The following DNAH7 variants were observed in gnomAD, a reference collection of about 807,000 sequenced individuals.
The protein encoded by DNAH7 is dynein axonemal heavy chain 7.
A neutral mutation model predicts 444.6 loss-of-function variants in DNAH7; 397 were observed. The observed-to-expected ratio is 0.89, with a 90% confidence interval of 0.82 to 0.97. DNAH7 has a LOEUF of 0.97. Ranked by LOEUF, DNAH7 falls within the 50% of genes least tolerant of loss-of-function variation. The pLI, the probability that DNAH7 is intolerant of heterozygous loss-of-function variation, is 0.00. For synonymous variants in DNAH7, 1,636 were observed against 1,624.4 expected, an observed-to-expected ratio of 1.01 and a Z score of -0.17; for missense variants, 4,902 against 4,800.8, an observed-to-expected ratio of 1.02 and a Z score of -0.62.
At chr2:195,846,373 G>A (rs1340967570) in intron 46 of DNAH7, among the ~76,000 whole-genome samples, 2 of 152,184 alleles carry the variant, frequency 1.3e-5, no homozygotes, top group Non-Finnish European at 2.9e-5. Context: ...TGCTGGCGAG[G>A]TCACAGAGAA....
At chr2:196,068,566 G>T in intron 1 of DNAH7, 131 bp downstream of exon 1, 1 of 1,206,772 alleles carries the variant, frequency 8.3e-7, no homozygotes, top group Non-Finnish European at 1.2e-6. Context: ...GGCCACAAGT[G>T]GGGTGAAGGA....
At chr2:195,954,184 C>A (rs1690470640) in intron 19 of DNAH7, among the ~76,000 whole-genome samples, 1 of 152,160 alleles carries the variant, frequency 6.6e-6, no homozygotes, top group South Asian at 2.1e-4. Flanking sequence ...CCACTCTCCC[C>A]ACCCCACGAC....
At position 195,960,788 on chromosome 2, in the gene DNAH7, T is replaced by C; in HGVS notation, c.2363A>G (p.Tyr788Cys). 2 of 1,614,196 alleles carry C rather than the reference T, an allele frequency of 1.2e-6. No individual in the cohort carries two copies. The highest frequency in any genetic ancestry group is 1.7e-6 in the Non-Finnish European group (2 of 1,180,034). ...SNYRAWTEGP[Y>C]HKVNPDQVEA... Reference sequence around the variant, plus strand: ...TACTTGGTCTGGATTCACTTTATGATATGGCCCTTCTGTCCATGCTCTATA... The same window carrying C: ...TACTTGGTCTGGATTCACTTTATGACATGGCCCTTCTGTCCATGCTCTATA... Residue 788 changes from tyrosine (Y) to cysteine (C), a missense_variant, in exon 18 of 65, where the codon TAT becomes TGT. Tyr to Cys is a radical substitution (Grantham distance 194, BLOSUM62 -2). Transcript: ENST00000312428.
At chr2:196,000,398 G>C (rs944676455) in intron 12 of DNAH7, among the ~76,000 whole-genome samples, 3 of 152,140 alleles carry the variant, frequency 2.0e-5, no homozygotes, top group Non-Finnish European at 4.4e-5. Context: ...CTACAGCATG[G>C]CATGAGTTTA....
intron 60 of DNAH7, 79 bp from the exon 61 acceptor site, chr2:195,771,969 A>G: frequency 2.5e-6 from 3 of 1,207,594 alleles, no homozygotes; most frequent in South Asian, 1.2e-5. Flanking sequence ...CCTAAGGTAA[A>G]TCTTTATAAG....
intron 46 of DNAH7, among the ~76,000 whole-genome samples, chr2:195,850,287 A>G (rs188780381): frequency 6.7e-6 from 1 of 148,778 alleles, no homozygotes; most frequent in African/African-American, 2.4e-5. Context: ...AAGGTCATGA[A>G]AAAAAAAAAA....
chr2:195,969,675 T>C (rs1169667898), intron 17 of DNAH7, among the ~76,000 whole-genome samples: 1 of 152,114 alleles, frequency 6.6e-6, no homozygotes, highest in Non-Finnish European at 1.5e-5. Context: ...ATGATGCAAA[T>C]AATTAAATGA....
chr2:195,816,556 A>G lies in DNAH7; in HGVS notation c.9761+72T>C, dbSNP rs917876064. ...ATGCTTGTACCACTCTGAGACAACA[A>G]TAGAGGTCACAAATTACTCTCTGAT... On this transcript the variant is annotated intron_variant, in intron 51 of 64. Coordinates refer to ENST00000312428, the MANE Select transcript of DNAH7 (RefSeq NM_018897.3). 2.6e-6 allele frequency: 3 copies of G among 1,151,218 alleles called. No individual in the cohort carries two copies. The African/African-American group carries it at 4.7e-5, about 18-fold the overall frequency. The allele number at this position is 1,151,218 out of a possible 1,614,324, so 71.3% of individuals were successfully genotyped here.
intron 63 of DNAH7, among the ~76,000 whole-genome samples, chr2:195,753,733 A>G (rs575230955): frequency 1.4e-4 from 22 of 152,350 alleles, no homozygotes; most frequent in African/African-American, 4.3e-4. Context: ...TTGAAATAAA[A>G]TATCAGGGTA....
chr2:195,973,735 AT>A (rs1692000881), intron 15 of DNAH7, among the ~76,000 whole-genome samples: 1 of 151,888 alleles, frequency 6.6e-6, no homozygotes, highest in African/African-American at 2.4e-5. Flanking sequence ...GCCTCCCCAA[AT>A]GCTGGAATTA....
chr2:195,966,714 TCA>T (rs949244976), intron 17 of DNAH7, among the ~76,000 whole-genome samples: 63 of 152,348 alleles, frequency 4.1e-4, no homozygotes, highest in African/African-American at 1.4e-3. Flanking sequence ...TTGTGTCTTC[TCA>T]CAGTTTTTGT....
At chr2:195,795,390 A>C (rs1450918067) in intron 56 of DNAH7, among the ~76,000 whole-genome samples, 2 of 152,032 alleles carry the variant, frequency 1.3e-5, no homozygotes, top group East Asian at 1.9e-4. Flanking sequence ...TCAAAACCAC[A>C]ACAACAACAA....
chr2:195,861,241 C>A (rs1335177903), intron 42 of DNAH7, among the ~76,000 whole-genome samples: 2 of 152,020 alleles, frequency 1.3e-5, no homozygotes, highest in Non-Finnish European at 2.9e-5. Flanking sequence ...TCTGTGCACA[C>A]ACAAGTCACC....
chr2:195,897,286 C>G (rs1011347181), intron 29 of DNAH7, among the ~76,000 whole-genome samples: 3 of 152,008 alleles, frequency 2.0e-5, no homozygotes. Context: ...GCATATTTAT[C>G]TATTTTATTT....
intron 17 of DNAH7, among the ~76,000 whole-genome samples, chr2:195,965,405 T>C (rs1691407191): frequency 6.6e-6 from 1 of 152,158 alleles, no homozygotes; most frequent in Non-Finnish European, 1.5e-5. Context: ...CAATGTTCAT[T>C]AGGGATATTG....
At chr2:196,012,696 A>C in intron 10 of DNAH7, 91 bp downstream of exon 10, 1 of 1,305,278 alleles carries the variant, frequency 7.7e-7, no homozygotes, top group Non-Finnish European at 1.1e-6. Context: ...TAAAACATTA[A>C]AATTGGATCT....
intron 1 of DNAH7, among the ~76,000 whole-genome samples, chr2:196,062,039 T>C (rs186757144): frequency 2.4e-4 from 36 of 152,312 alleles, no homozygotes; most frequent in African/African-American, 8.4e-4. Flanking sequence ...ACTTCATCTC[T>C]GTCAATGACT....
intron 5 of DNAH7, among the ~76,000 whole-genome samples, chr2:196,034,305 T>A (rs956860846): frequency 6.6e-6 from 1 of 152,116 alleles, no homozygotes; most frequent in Non-Finnish European, 1.5e-5. Context: ...ACAATAAAAT[T>A]AATGGGATTA....
In DNAH7 at chr2:195,934,573, A is replaced by T. The variant is rs73040695; in HGVS notation, c.3471+18T>A. On this transcript the variant is annotated intron_variant, in intron 21 of 64. Transcript: ENST00000312428. Reference sequence around the variant, plus strand: ...ATTCTAGCATCCTTTTCTAAAAATCATCAGTATAATCAGCTACCTTGTGGA... The same window carrying T: ...ATTCTAGCATCCTTTTCTAAAAATCTTCAGTATAATCAGCTACCTTGTGGA... The T allele has an allele frequency of 0.044, 70,489 of 1,606,386 alleles. 1,867 individuals are homozygous for T. The highest frequency in any genetic ancestry group is 0.12 in the African/African-American group (8,706 of 74,706).
Sources: gnomAD v4.1 joint callset for allele counts (sites outside exome capture counted in the v4.1 genomes callset) on GRCh38, gnomAD v4.1.1 for gene constraint, MANE v1.5 for transcripts, NCBI Gene and HGNC (gene_info 2026-07-23, HGNC 2026-07-21) for gene names.